The following RRP7A variants were observed in gnomAD, a reference collection of about 807,000 sequenced individuals.
RRP7A encodes ribosomal RNA-processing protein 7 homolog A.
Under a neutral mutation model 38.4 loss-of-function variants are expected in RRP7A, and 27 were observed. That is an observed-to-expected ratio of 0.70 (90% CI 0.52 to 0.97). RRP7A has a LOEUF of 0.97. RRP7A is among the 50% of genes least tolerant of loss of function. The probability of loss-of-function intolerance (pLI) is 0.00; values close to 1 mark genes in which losing one functional copy is unlikely to be tolerated. For missense variants in RRP7A, 327 were observed against 375.4 expected, an observed-to-expected ratio of 0.87 and a Z score of 1.07; for synonymous variants, 124 against 150.3, an observed-to-expected ratio of 0.83 and a Z score of 1.28.
At chr22:42,517,501 T>C (rs1478171034) in intron 2 of RRP7A, among the ~76,000 whole-genome samples, 9 of 152,160 alleles carry the variant, frequency 5.9e-5, no homozygotes, top group African/African-American at 2.2e-4. Flanking sequence ...AAAAATGCCT[T>C]GGGCTACTTA....
Position 42,512,923 on chromosome 22 carries a change from A to C in RRP7A, c.830T>G (p.Phe277Cys). Residue 277 changes from phenylalanine (F) to cysteine (C), a missense_variant, in exon 7 of 7, where the codon TTC (phenylalanine) becomes TGC (cysteine). Around this residue, in one of 5 missense-constraint regions of RRP7A, gnomAD observed 84 missense variants for 82.8 expected, o/e 1.01. Coordinates refer to ENST00000323013, the MANE Select transcript of RRP7A (RefSeq NM_015703.5). ...GGCTCTCACAGCTCAGTACGGTCGG[A>C]ATTTGCGCTGGGCCCGCAGCAGCTC... is the stretch of plus-strand genomic sequence containing the variant. The part of the protein sequence containing the change: ...RIELLRAQRK[F>C]RPY 2 of 1,613,486 alleles carry C rather than the reference A, an allele frequency of 1.2e-6. No individual in the cohort carries two copies. Among genetic ancestry groups the C allele is most frequent in the Middle Eastern group, 3.3e-4 (2 of 6,028 alleles).
Position 42,511,960 on chromosome 22 carries a change from G to A in RRP7A, c.*950C>T, listed in dbSNP as rs996503170. Reference sequence around the variant, plus strand: ...ATCTCCTGGGGTGCTATGGACTGTCGGGGCTCCAAGGAGCCGAGTGTGGGG... The same window carrying A: ...ATCTCCTGGGGTGCTATGGACTGTCAGGGCTCCAAGGAGCCGAGTGTGGGG... On this transcript the variant is annotated 3_prime_UTR_variant, in exon 7 of 7. Coordinates refer to ENST00000323013, the MANE Select transcript of RRP7A (RefSeq NM_015703.5). 34 of 687,008 alleles carry A rather than the reference G, an allele frequency of 4.9e-5. No individual in the cohort carries two copies. Among genetic ancestry groups the A allele is most frequent in the Non-Finnish European group, 7.9e-5 (30 of 381,852 alleles). 42.6% of individuals were successfully genotyped at this position (687,008 alleles called of 1,614,324 possible).
At position 42,516,146 on chromosome 22, in the gene RRP7A, G is replaced by A. The variant is rs771681751; in HGVS notation, c.217-10C>T. The stretch of plus-strand genomic sequence containing the variant: ...GGCGGGACAGGCTCTCCTGCCGCAG[G>A]GAGAGGGAAGCCAAGTGTGAGCATC... On this transcript the variant is annotated splice_polypyrimidine_tract_variant and intron_variant, in intron 2 of 6. Transcript: ENST00000323013. 5.0e-6 allele frequency: 8 copies of A among 1,612,436 alleles called. No homozygotes were observed. Among genetic ancestry groups the A allele is most frequent in the Non-Finnish European group, 6.8e-6 (8 of 1,179,234 alleles).
At position 42,512,435 on chromosome 22, in the gene RRP7A, G is replaced by A; in HGVS notation, c.*475C>T. 1.6e-6 allele frequency: 1 copy of A among 613,400 alleles called. No individual in the cohort carries two copies. The highest frequency in any genetic ancestry group is 2.9e-6 in the Non-Finnish European group (1 of 350,764). 38.0% of individuals were successfully genotyped at this position (613,400 alleles called of 1,614,324 possible). A position where few individuals can be genotyped will look rare whatever the true frequency, so the allele number is the denominator to read the frequency against. On this transcript the variant is annotated 3_prime_UTR_variant, in exon 7 of 7. Coordinates refer to ENST00000323013, the MANE Select transcript of RRP7A (RefSeq NM_015703.5). ...ACCTCAAGGGGGAGACAGAGTCTGG[G>A]TTCCAGGGCTGCTGTCTCCTGGCTA... is the stretch of plus-strand genomic sequence containing the variant.
Position 42,508,770 on chromosome 22 carries a change from G to A in RRP7A, c.*4140C>T, listed in dbSNP as rs1394355491. Among the ~76,000 whole-genome samples, 3 of 152,244 alleles carry A rather than the reference G, an allele frequency of 2.0e-5. No individual in the cohort carries two copies. The highest frequency in any genetic ancestry group is 7.2e-5 in the African/African-American group (3 of 41,462). On this transcript the variant is annotated 3_prime_UTR_variant, in exon 7 of 7. Coordinates refer to ENST00000323013, the MANE Select transcript of RRP7A (RefSeq NM_015703.5). ...CACAGCCATACCTGGTGGCAAAGGAGTATTGGAAATGGAGTCAGGCTGGGT... is the reference window on the plus strand; with the variant it reads ...CACAGCCATACCTGGTGGCAAAGGAATATTGGAAATGGAGTCAGGCTGGGT...
rs1474388070 is a variant in RRP7A at position 42,512,056 on chromosome 22, G to A, written c.*854C>T. ...GCTGTGGGAGGGCCCTGACCCCGGG[G>A]CCCATGGAGCTCCCTAGGCTCCTCT... On this transcript the variant is annotated 3_prime_UTR_variant, in exon 7 of 7. Transcript: ENST00000323013. The A allele has an allele frequency of 1.2e-5, 15 of 1,285,582 alleles. No homozygotes were observed. The highest frequency in any genetic ancestry group is 3.5e-5 in the Admixed American group (2 of 56,576). 79.6% of individuals were successfully genotyped at this position (1,285,582 alleles called of 1,614,324 possible).
chr22:42,509,322 C>T lies in RRP7A; in HGVS notation c.*3588G>A, dbSNP rs7289458. Reference sequence around the variant, plus strand: ...AGGGCTCAGGCAGCAGGGGATGGGCCGGGGCTGTCCCATGCCTTTCCACAG... The same window carrying T: ...AGGGCTCAGGCAGCAGGGGATGGGCTGGGGCTGTCCCATGCCTTTCCACAG... On this transcript the variant is annotated 3_prime_UTR_variant, in exon 7 of 7. Transcript: ENST00000323013. 2.8e-3 allele frequency among the ~76,000 whole-genome samples: 421 copies of T among 149,960 alleles called. 1 individual carries two copies. The highest frequency in any genetic ancestry group is 9.6e-3 in the African/African-American group (395 of 41,266).
In RRP7A at chr22:42,509,079, A is replaced by G. The variant is rs1932360845; in HGVS notation, c.*3831T>C. 6.2e-7 allele frequency: 1 copy of G among 1,613,894 alleles called. No individual in the cohort carries two copies. The highest frequency in any genetic ancestry group is 8.5e-7 in the Non-Finnish European group (1 of 1,179,742). On this transcript the variant is annotated 3_prime_UTR_variant, in exon 7 of 7. Coordinates refer to ENST00000323013, the MANE Select transcript of RRP7A (RefSeq NM_015703.5). ...CAGGGAGCTGTGTGCGCATTCCATC[A>G]GGAAGCTGCAGGCCCATGTCCTGTT...
At position 42,509,759 on chromosome 22, in the gene RRP7A, T is replaced by C. The variant is rs1932386819; in HGVS notation, c.*3151A>G. Among the ~76,000 whole-genome samples the C allele has an allele frequency of 7.1e-6, 1 of 141,420 alleles. No individual in the cohort carries two copies. The highest frequency in any genetic ancestry group is 1.5e-5 in the Non-Finnish European group (1 of 64,812). The allele number at this position is 141,420 out of a possible 152,430, so 92.8% of individuals were successfully genotyped here. A position where few individuals can be genotyped will look rare whatever the true frequency, so the allele number is the denominator to read the frequency against. On this transcript the variant is annotated 3_prime_UTR_variant, in exon 7 of 7. Coordinates refer to ENST00000323013, the MANE Select transcript of RRP7A (RefSeq NM_015703.5). ...ACCGTCTACGTGTTGTATGGCTGCA[T>C]TCACGTTCAAGTCCAAATAGGACAC...
chr22:42,509,567 A>G lies in RRP7A; in HGVS notation c.*3343T>C, dbSNP rs891910647. On this transcript the variant is annotated 3_prime_UTR_variant, in exon 7 of 7. Coordinates refer to ENST00000323013, the MANE Select transcript of RRP7A (RefSeq NM_015703.5). The stretch of plus-strand genomic sequence containing the variant: ...AGGCTGCTCTCCATCTCCTGACCTC[A>G]TGATCCGCCTGCCTCGGCCTCCCAG... 6.7e-6 allele frequency among the ~76,000 whole-genome samples: 1 copy of G among 150,112 alleles called. No homozygotes were observed. The highest frequency in any genetic ancestry group is 1.5e-5 in the Non-Finnish European group (1 of 67,326).
At chr22:42,517,049 G>A (rs1299460733) in intron 2 of RRP7A, among the ~76,000 whole-genome samples, 1 of 152,090 alleles carries the variant, frequency 6.6e-6, no homozygotes, top group Admixed American at 6.6e-5. Flanking sequence ...AGGCTGAAGG[G>A]GGCGGATTAC....
rs4820471 is a variant in RRP7A at position 42,514,670 on chromosome 22, C to T, written c.558+12G>A. 186,304 of 1,577,460 alleles carry T rather than the reference C, an allele frequency of 0.12. 6,186 individuals carry two copies. The highest frequency in any genetic ancestry group is 0.21 in the Admixed American group (11,935 of 58,192). On this transcript the variant is annotated intron_variant, in intron 5 of 6. Transcript: ENST00000323013. ...GCGATGCGGGGCTCGGCCGACCCCG[C>T]GGGGCCTCTACCTCAGCGATCTTCT...
rs913450931 is a variant in RRP7A at position 42,510,024 on chromosome 22, G to C, written c.*2886C>G. Reference sequence around the variant, plus strand: ...CTGTCGCCCAGGCTGGAGTGTAGTGGTGCAATCTCAGCTCACTGCAAGGTC... The same window carrying C: ...CTGTCGCCCAGGCTGGAGTGTAGTGCTGCAATCTCAGCTCACTGCAAGGTC... On this transcript the variant is annotated 3_prime_UTR_variant, in exon 7 of 7. Coordinates refer to ENST00000323013, the MANE Select transcript of RRP7A (RefSeq NM_015703.5). 5.3e-5 allele frequency: 8 copies of C among 149,780 alleles called. No homozygotes were observed. The highest frequency in any genetic ancestry group is 2.0e-4 in the African/African-American group (8 of 40,496). 9.3% of individuals were successfully genotyped at this position (149,780 alleles called of 1,614,324 possible). A position where few individuals can be genotyped will look rare whatever the true frequency, so the allele number is the denominator to read the frequency against.
Position 42,512,333 on chromosome 22 carries a change from C to T in RRP7A, c.*577G>A, listed in dbSNP as rs1189171920. The T allele has an allele frequency of 1.9e-6, 2 of 1,077,636 alleles. No individual in the cohort carries two copies. Among genetic ancestry groups the T allele is most frequent in the East Asian group, 2.4e-5 (1 of 42,200 alleles). The allele number at this position is 1,077,636 out of a possible 1,614,324, so 66.8% of individuals were successfully genotyped here. Reference sequence around the variant, plus strand: ...ACAACAAGGCCAGGGATGGTGGGGACAGGCCTCACTAGTCTTGAGGCCCAG... The same window carrying T: ...ACAACAAGGCCAGGGATGGTGGGGATAGGCCTCACTAGTCTTGAGGCCCAG... On this transcript the variant is annotated 3_prime_UTR_variant, in exon 7 of 7. Coordinates refer to ENST00000323013, the MANE Select transcript of RRP7A (RefSeq NM_015703.5).
chr22:42,511,747 G>T lies in RRP7A; in HGVS notation c.*1163C>A. 5.1e-6 allele frequency: 1 copy of T among 195,712 alleles called. No homozygotes were observed. The allele number at this position is 195,712 out of a possible 1,614,324, so 12.1% of individuals were successfully genotyped here. On this transcript the variant is annotated 3_prime_UTR_variant, in exon 7 of 7. Coordinates refer to ENST00000323013, the MANE Select transcript of RRP7A (RefSeq NM_015703.5). ...GAGCCAAGGCAGGCAGGGCCTTCCT[G>T]TCTGGCTTCTTGAAGGCAGACACAA... is the stretch of plus-strand genomic sequence containing the variant.
At chr22:42,517,342 T>TAAAA (rs71184902) in intron 2 of RRP7A, among the ~76,000 whole-genome samples, 24 of 117,526 alleles carry the variant, frequency 2.0e-4, no homozygotes, top group Non-Finnish European at 3.7e-4. Context: ...TTAGTTTTTG[T>TAAAA]AAAAAAAAAA....
In RRP7A at chr22:42,509,593, T is replaced by C. The variant is rs1349233922; in HGVS notation, c.*3317A>G. ...TGATCCGCCTGCCTCGGCCTCCCAG[T>C]GTTGGGATTACAGGCGAGAGCCACC... On this transcript the variant is annotated 3_prime_UTR_variant, in exon 7 of 7. Coordinates refer to ENST00000323013, the MANE Select transcript of RRP7A (RefSeq NM_015703.5). Among the ~76,000 whole-genome samples, 1 of 151,074 alleles carries C rather than the reference T, an allele frequency of 6.6e-6. No individual in the cohort carries two copies. Among genetic ancestry groups the C allele is most frequent in the Non-Finnish European group, 1.5e-5 (1 of 67,716 alleles).
At chr22:42,515,497 G>A (rs1920927245) in intron 3 of RRP7A, among the ~76,000 whole-genome samples, 1 of 152,248 alleles carries the variant, frequency 6.6e-6, no homozygotes, top group South Asian at 2.1e-4. Context: ...TCCTCCCCAG[G>A]AAGAGGGGAT....
At chr22:42,514,474 C>T (rs1239787776) in intron 5 of RRP7A, among the ~76,000 whole-genome samples, 170 bp from the exon 6 acceptor site, 3 of 152,120 alleles carry the variant, frequency 2.0e-5, no homozygotes, top group African/African-American at 7.2e-5. Flanking sequence ...GGGCACGGAC[C>T]TGCCGGCACT....
Sources: gnomAD v4.1 joint callset for allele counts (sites outside exome capture counted in the v4.1 genomes callset) on GRCh38, gnomAD v4.1.1 for gene constraint, gnomAD v4.1.1 regional missense constraint, MANE v1.5 for transcripts, NCBI Gene and HGNC (gene_info 2026-07-23, HGNC 2026-07-21) for gene names.